The following ETV1 variants were observed in gnomAD, a reference collection of about 807,000 sequenced individuals.
The protein encoded by ETV1 is ETS variant transcription factor 1.
ETV1 carries 27 observed loss-of-function variants against 62.3 expected under a neutral mutation model. The observed-to-expected ratio is 0.43, with a 90% CI of 0.32 to 0.60. The LOEUF (loss-of-function observed/expected upper bound fraction) is 0.60. Ranked by LOEUF, ETV1 falls within the 20% of genes least tolerant of loss-of-function variation. ETV1 has a pLI of 0.06. For missense variants in ETV1, 605 were observed against 605.8 expected, an observed-to-expected ratio of 1.00 and a Z score of 0.01; for synonymous variants, 222 against 199.6, an observed-to-expected ratio of 1.11 and a Z score of -0.94.
chr7:13,970,354 A>G (rs760784162), intron 6 of ETV1, among the ~76,000 whole-genome samples: 10 of 151,840 alleles, frequency 6.6e-5, no homozygotes, highest in Middle Eastern at 3.4e-3. Flanking sequence ...AGCATACCCA[A>G]AAGAAACTCA....
chr7:13,938,076 G>C (rs948348656), intron 7 of ETV1, among the ~76,000 whole-genome samples: 6 of 152,168 alleles, frequency 3.9e-5, no homozygotes, highest in African/African-American at 1.4e-4. Context: ...CTCTGTAGTA[G>C]CTGGGATTAC....
intron 5 of ETV1, 51 bp downstream of exon 5, chr7:13,986,587 T>C (rs1417790942): frequency 4.4e-6 from 7 of 1,606,776 alleles, no homozygotes; most frequent in Non-Finnish European, 5.9e-6. Flanking sequence ...ACTTCTTTTC[T>C]TTCTCCTTCT....
At chr7:13,976,798 C>A (rs764741313) in intron 6 of ETV1, among the ~76,000 whole-genome samples, 2 of 152,110 alleles carry the variant, frequency 1.3e-5, no homozygotes, top group African/African-American at 2.4e-5. Flanking sequence ...TCACTCCTTG[C>A]GCATTCTCTG....
intron 6 of ETV1, among the ~76,000 whole-genome samples, chr7:13,965,449 G>A (rs1790674176): frequency 2.6e-5 from 4 of 151,956 alleles, no homozygotes; most frequent in East Asian, 1.9e-4. Context: ...TGTTAGCCAC[G>A]CAGATTTTTT....
Position 13,950,135 on chromosome 7 carries a change from C to T in ETV1, c.236-10889G>A, listed in dbSNP as rs1182204233. Among the ~76,000 whole-genome samples, 4 of 152,068 alleles carry T rather than the reference C, an allele frequency of 2.6e-5. No individual in the cohort carries two copies. The East Asian group carries it at 5.8e-4, about 22-fold the overall frequency. Reference sequence around the variant, plus strand: ...ATTGAGCCAGTGTTTGTTTTAGCTTCGGAGACCTTTGTACTAAAGGAATCA... The same window carrying T: ...ATTGAGCCAGTGTTTGTTTTAGCTTTGGAGACCTTTGTACTAAAGGAATCA... On this transcript the variant is annotated intron_variant, in intron 6 of 13. Coordinates refer to ENST00000430479, the MANE Select transcript of ETV1 (RefSeq NM_004956.5).
At chr7:13,930,247 A>G (rs1785928338) in intron 9 of ETV1, among the ~76,000 whole-genome samples, 2 of 152,234 alleles carry the variant, frequency 1.3e-5, no homozygotes. Flanking sequence ...TATAGAAGGA[A>G]AAACTCAGCA....
chr7:13,989,710 G>A, upstream of ETV1: 1 of 398,100 alleles, frequency 2.5e-6, no homozygotes, highest in Non-Finnish European at 4.4e-6. Context: ...TCTCCTCCAG[G>A]GGCCTCCAAT....
At chr7:13,925,013 C>G (rs17167664) in intron 9 of ETV1, among the ~76,000 whole-genome samples, 3,501 of 152,212 alleles carry the variant, frequency 0.023, 56 homozygotes, top group Non-Finnish European at 0.035. Context: ...TTTAAAAATG[C>G]AAAAACCGTT....
Position 13,988,117 on chromosome 7 carries a change from G to C in ETV1, c.102C>G (p.Phe34Leu). Residue 34 changes from phenylalanine (F) to leucine (L), a missense_variant, in exon 4 of 14, where the codon TTC becomes TTG. Physicochemically the swap from Phe to Leu is conservative, Grantham distance 22. Coordinates refer to ENST00000430479, the MANE Select transcript of ETV1 (RefSeq NM_004956.5). ...EKPTNVRKRK[F>L]INRDLAHDSE... Reference sequence around the variant, plus strand: ...AATCATGAGCCAGATCTCTGTTAATGAATTTTCTTTTCCTGACATTTGTTG... The same window carrying C: ...AATCATGAGCCAGATCTCTGTTAATCAATTTTCTTTTCCTGACATTTGTTG... The C allele has an allele frequency of 6.2e-7, 1 of 1,612,736 alleles. No homozygotes were observed. The highest frequency in any genetic ancestry group is 8.5e-7 in the Non-Finnish European group (1 of 1,178,854).
chr7:13,952,450 G>C (rs973034586), intron 6 of ETV1, among the ~76,000 whole-genome samples: 36 of 152,140 alleles, frequency 2.4e-4, no homozygotes, highest in African/African-American at 6.3e-4. Context: ...ATAACTGAGG[G>C]CATTTGCTGC....
At chr7:13,965,747 A>G (rs572545025) in intron 6 of ETV1, among the ~76,000 whole-genome samples, 6 of 152,308 alleles carry the variant, frequency 3.9e-5, no homozygotes, top group African/African-American at 1.4e-4. Context: ...CCCTAATCTG[A>G]TAACTGAGAT....
intron 13 of ETV1, among the ~76,000 whole-genome samples, chr7:13,899,527 A>G (rs1035340056): frequency 6.6e-6 from 1 of 152,196 alleles, no homozygotes; most frequent in Non-Finnish European, 1.5e-5. Flanking sequence ...TCATGTAGCA[A>G]CTGGTCTAGT....
At chr7:13,966,302 G>C (rs1780279000) in intron 6 of ETV1, among the ~76,000 whole-genome samples, 1 of 152,132 alleles carries the variant, frequency 6.6e-6, no homozygotes, top group South Asian at 2.1e-4. Flanking sequence ...GAATCCAGTG[G>C]CCTTGCCTTT....
chr7:13,966,678 C>A (rs961993452), intron 6 of ETV1, among the ~76,000 whole-genome samples: 3 of 151,866 alleles, frequency 2.0e-5, no homozygotes, highest in African/African-American at 7.3e-5. Context: ...AACAAAAAAA[C>A]CTAAAATTAC....
At chr7:13,981,197 A>G (rs1489027646) in intron 5 of ETV1, among the ~76,000 whole-genome samples, 4 of 152,092 alleles carry the variant, frequency 2.6e-5, no homozygotes, top group Non-Finnish European at 5.9e-5. Flanking sequence ...CACTGTAACA[A>G]TGACCTGGAG....
chr7:13,902,194 T>C (rs192716653), intron 12 of ETV1, among the ~76,000 whole-genome samples: 2 of 152,262 alleles, frequency 1.3e-5, no homozygotes, highest in Admixed American at 6.5e-5. Context: ...TGCTATGTCA[T>C]ATATACTAAA....
chr7:13,912,540 G>C (rs1292488018), intron 9 of ETV1, among the ~76,000 whole-genome samples: 1 of 152,064 alleles, frequency 6.6e-6, no homozygotes, highest in East Asian at 1.9e-4. Context: ...TAAGGTTAAT[G>C]CCAGAATCTC....
chr7:13,966,751 T>C (rs761691349), intron 6 of ETV1, among the ~76,000 whole-genome samples: 32 of 152,226 alleles, frequency 2.1e-4, no homozygotes, highest in Admixed American at 3.9e-4. Context: ...ACAGTGATTA[T>C]GCATAGATTT....
rs1782981507 is a variant in ETV1, at chr7:13,906,559, G to A, written c.981C>T (p.Pro327=). 1.2e-6 allele frequency: 2 copies of A among 1,612,026 alleles called. No homozygotes were observed. Among genetic ancestry groups the A allele is most frequent in the Non-Finnish European group, 8.5e-7 (1 of 1,179,076 alleles). Residue 327 remains proline, a synonymous_variant, in exon 12 of 14, where the codon CCC becomes CCT. Transcript: ENST00000430479. ...KQEPGMYREG[P]TYQRRGSLQL... is the part of the protein sequence containing the mutation. ...GAAGTGATCCTCGCCGTTGGTATGT[G>A]GGTCCTTCCCGATACATTCCTGGCT...
Sources: allele counts gnomAD v4.1 joint callset (sites outside exome capture counted in the v4.1 genomes callset), GRCh38; gene constraint gnomAD v4.1.1; transcripts MANE v1.5; gene names NCBI Gene and HGNC (gene_info 2026-07-23, HGNC 2026-07-21).